SDHAF3: variants seen among roughly 807,000 people sequenced by gnomAD.
The protein encoded by SDHAF3 is succinate dehydrogenase assembly factor 3, mitochondrial.
A neutral mutation model predicts 11.5 loss-of-function variants in SDHAF3; 18 were observed. That is an observed-to-expected ratio of 1.56 (90% CI 1.08 to 2.32). The LOEUF (loss-of-function observed/expected upper bound fraction) is 2.32, where lower values mean the gene tolerates loss of function less well. Ranked by LOEUF, SDHAF3 falls within the 30% of genes most tolerant of loss-of-function variation. The pLI is 0.00. For synonymous variants in SDHAF3, 72 were observed against 59.3 expected, an observed-to-expected ratio of 1.21 and a Z score of -0.99; for missense variants, 200 against 154.4, an observed-to-expected ratio of 1.30 and a Z score of -1.57.
At chr7:97,132,929 C>A (rs1279020426) in intron 1 of SDHAF3, among the ~76,000 whole-genome samples, 1 of 152,110 alleles carries the variant, frequency 6.6e-6, no homozygotes, top group East Asian at 1.9e-4. Flanking sequence ...GCAGCAGACT[C>A]ACATTACTTA....
intron 1 of SDHAF3, among the ~76,000 whole-genome samples, chr7:97,173,811 C>T (rs986104136): frequency 3.3e-5 from 5 of 152,160 alleles, no homozygotes; most frequent in African/African-American, 1.2e-4. Flanking sequence ...CTCTGCCTCC[C>T]AAAGTGCTGG....
intron 1 of SDHAF3, among the ~76,000 whole-genome samples, chr7:97,123,631 A>G (rs749334709): frequency 6.6e-6 from 1 of 151,996 alleles, no homozygotes; most frequent in East Asian, 1.9e-4. Context: ...AAGTGTTCCT[A>G]TTTCTCCACA....
At chr7:97,136,545 A>C (rs1255439756) in intron 1 of SDHAF3, 2 of 542,818 alleles carry the variant, frequency 3.7e-6, no homozygotes, top group Non-Finnish European at 6.7e-6. Flanking sequence ...TACAGCCTAA[A>C]TTAAGGGGGT....
chr7:97,151,064 T>C (rs367882546), intron 1 of SDHAF3, among the ~76,000 whole-genome samples: 1 of 152,090 alleles, frequency 6.6e-6, no homozygotes, highest in Non-Finnish European at 1.5e-5. Context: ...CCCCAACATA[T>C]GCATAACCTC....
At chr7:97,134,107 A>G (rs972308494) in intron 1 of SDHAF3, among the ~76,000 whole-genome samples, 10 of 152,158 alleles carry the variant, frequency 6.6e-5, no homozygotes, top group African/African-American at 2.4e-4. Context: ...CCCCTTTCCA[A>G]AGCTCAGAAT....
In SDHAF3 at chr7:97,181,172, A is replaced by G. The variant is rs746314548; in HGVS notation, c.335A>G (p.Asn112Ser). 9 of 1,614,008 alleles carry G rather than the reference A, an allele frequency of 5.6e-6. No homozygotes were observed. Among genetic ancestry groups the G allele is most frequent in the Non-Finnish European group, 7.6e-6 (9 of 1,179,942 alleles). Residue 112 changes from asparagine to serine, a missense_variant, in exon 2 of 2, where the codon AAT becomes AGT. Asn to Ser is a conservative substitution (Grantham distance 46, BLOSUM62 1). Coordinates refer to ENST00000432641, the MANE Select transcript of SDHAF3 (RefSeq NM_020186.3). Reference protein sequence around the residue: ...QELMQEATKPNRQFSISESMK... With the variant: ...QELMQEATKPSRQFSISESMK... ...CTGATGCAAGAAGCCACAAAACCCA[A>G]TAGGCAATTTAGTATTTCTGAGTCT...
At chr7:97,124,397 C>T (rs1445098296) in intron 1 of SDHAF3, among the ~76,000 whole-genome samples, 1 of 152,090 alleles carries the variant, frequency 6.6e-6, no homozygotes, top group East Asian at 1.9e-4. Flanking sequence ...TAACTGTAAC[C>T]TTGTAGTAAT....
At chr7:97,130,554 C>G (rs1791653242) in intron 1 of SDHAF3, among the ~76,000 whole-genome samples, 1 of 152,164 alleles carries the variant, frequency 6.6e-6, no homozygotes, top group Non-Finnish European at 1.5e-5. Context: ...TTGTTCATTC[C>G]CACTGCCCTG....
chr7:97,157,564 C>A (rs1281460636), intron 1 of SDHAF3, among the ~76,000 whole-genome samples: 3 of 152,148 alleles, frequency 2.0e-5, no homozygotes, highest in Non-Finnish European at 4.4e-5. Flanking sequence ...TGTGGTGATT[C>A]CTCAAGGATC....
intron 1 of SDHAF3, among the ~76,000 whole-genome samples, chr7:97,160,033 C>T (rs1562828488): frequency 1.3e-5 from 2 of 152,242 alleles, no homozygotes; most frequent in East Asian, 1.9e-4. Context: ...AATGGCCACC[C>T]TTCGTCTGGG....
intron 1 of SDHAF3, among the ~76,000 whole-genome samples, chr7:97,157,477 G>T (rs1371998620): frequency 5.3e-5 from 8 of 152,120 alleles, no homozygotes; most frequent in African/African-American, 1.2e-4. Context: ...ACAGGTGCTG[G>T]AGAGGATGTG....
intron 1 of SDHAF3, among the ~76,000 whole-genome samples, chr7:97,144,900 T>G (rs190701192): frequency 2.3e-4 from 35 of 152,352 alleles, no homozygotes; most frequent in Non-Finnish European, 4.7e-4. Flanking sequence ...TTTGGCAGTA[T>G]GGTCATTTTC....
At position 97,159,694 on chromosome 7, in the gene SDHAF3, A is replaced by T. The variant is rs76143896; in HGVS notation, c.175-21318A>T. Among the ~76,000 whole-genome samples the T allele has an allele frequency of 2.0e-3, 306 of 152,240 alleles. 1 individual carries two copies. The highest frequency in any genetic ancestry group is 6.5e-3 in the African/African-American group (268 of 41,536). On this transcript the variant is annotated intron_variant, in intron 1 of 1. Coordinates refer to ENST00000432641, the MANE Select transcript of SDHAF3 (RefSeq NM_020186.3). Reference sequence around the variant, plus strand: ...ACCAGGAGTGTGGGCTGATGTCTTCAAGGCCACTGGTCATCTGGGGAACAT... The same window carrying T: ...ACCAGGAGTGTGGGCTGATGTCTTCTAGGCCACTGGTCATCTGGGGAACAT...
intron 1 of SDHAF3, among the ~76,000 whole-genome samples, chr7:97,156,564 A>C (rs1789303802): frequency 6.6e-6 from 1 of 152,158 alleles, no homozygotes; most frequent in Admixed American, 6.5e-5. Flanking sequence ...TATAAATTTA[A>C]ATCCATTTAA....
chr7:97,181,136 AGTTGCAGGAGCT>A lies in SDHAF3; in HGVS notation c.301_312del (p.Leu101_Leu104del). ...GACTTTCGTGATGAACAAATTGGACAGTTGCAGGAGCTGATGCAAGAAGCCACAAAACCCAAT... is the reference window on the plus strand; with the variant it reads ...GACTTTCGTGATGAACAAATTGGACAGATGCAAGAAGCCACAAAACCCAAT... On this transcript the variant is annotated inframe_deletion, in exon 2 of 2. Coordinates refer to ENST00000432641, the MANE Select transcript of SDHAF3 (RefSeq NM_020186.3). The A allele has an allele frequency of 1.2e-6, 2 of 1,614,068 alleles. No homozygotes were observed.
At chr7:97,131,959 T>G (rs1791677374) in intron 1 of SDHAF3, among the ~76,000 whole-genome samples, 1 of 152,196 alleles carries the variant, frequency 6.6e-6, no homozygotes, top group Non-Finnish European at 1.5e-5. Context: ...TCAGAAGAAC[T>G]AATAACATGG....
Position 97,175,081 on chromosome 7 carries a change from G to A in SDHAF3, c.175-5931G>A, listed in dbSNP as rs1367811981. Among the ~76,000 whole-genome samples, 4 of 152,142 alleles carry A rather than the reference G, an allele frequency of 2.6e-5. No homozygotes were observed. In the South Asian group the frequency reaches 8.3e-4, roughly 32 times the overall value. ...AATATCAGAAGACATGTAATATCTGGTTGTTTCTCTATGTTATTCCTTGAA... is the reference window on the plus strand; with the variant it reads ...AATATCAGAAGACATGTAATATCTGATTGTTTCTCTATGTTATTCCTTGAA... On this transcript the variant is annotated intron_variant, in intron 1 of 1. Transcript: ENST00000432641.
intron 1 of SDHAF3, among the ~76,000 whole-genome samples, chr7:97,140,052 C>G (rs1356130605): frequency 6.6e-6 from 1 of 152,176 alleles, no homozygotes; most frequent in Non-Finnish European, 1.5e-5. Context: ...TGTGCAAAAT[C>G]TGGCCCGAAT....
chr7:97,172,239 C>T (rs1367768184), intron 1 of SDHAF3, among the ~76,000 whole-genome samples: 2 of 152,282 alleles, frequency 1.3e-5, no homozygotes, highest in East Asian at 3.9e-4. Flanking sequence ...CTTTTCATGT[C>T]AGTACATGTT....
Sources: gnomAD v4.1 joint callset for allele counts (sites outside exome capture counted in the v4.1 genomes callset) on GRCh38, gnomAD v4.1.1 for gene constraint, MANE v1.5 for transcripts, NCBI Gene and HGNC (gene_info 2026-07-23, HGNC 2026-07-21) for gene names.